The following TENM3 variants were observed in gnomAD, a reference collection of about 807,000 sequenced individuals.
The protein encoded by TENM3 is teneurin transmembrane protein 3.
TENM3 carries 63 observed loss-of-function variants against 255.1 expected under a neutral mutation model. The ratio of observed to expected loss-of-function variants is 0.25; its 90% CI spans 0.20 to 0.30. The LOEUF is 0.30. Ranked by LOEUF, TENM3 falls within the 10% of genes least tolerant of loss-of-function variation. The pLI, the probability that TENM3 is intolerant of heterozygous loss-of-function variation, is 1.00. For synonymous variants in TENM3, 1,306 were observed against 1,322.3 expected, an observed-to-expected ratio of 0.99 and a Z score of 0.27; for missense variants, 2,929 against 3,461.1, an observed-to-expected ratio of 0.85 and a Z score of 3.86.
At chr4:182,223,055 T>G (rs1755938235) in intron 1 of TENM3, among the ~76,000 whole-genome samples, 1 of 151,974 alleles carries the variant, frequency 6.6e-6, no homozygotes, top group Admixed American at 6.6e-5. Flanking sequence ...CTGAGCACTC[T>G]CTCCATGCAT....
chr4:181,504,977 AG>A, the TENM3 span, among the ~76,000 whole-genome samples: 1 of 152,222 alleles, frequency 6.6e-6, no homozygotes, highest in Non-Finnish European at 1.5e-5. Context: ...CTGGCCCAAG[AG>A]AACACACTGA....
At chr4:182,719,238 GTTC>G (rs993258408) in intron 13 of TENM3, among the ~76,000 whole-genome samples, 9 of 125,002 alleles carry the variant, frequency 7.2e-5, no homozygotes, top group Non-Finnish European at 1.5e-4. Context: ...GTAAAATAGA[GTTC>G]TTTTTTTTTT....
At chr4:181,490,386 A>T in the TENM3 span, among the ~76,000 whole-genome samples, 1 of 152,136 alleles carries the variant, frequency 6.6e-6, no homozygotes, top group Non-Finnish European at 1.5e-5. Flanking sequence ...GCCCACGGGG[A>T]TGTGCTGAGG....
intron 3 of TENM3, among the ~76,000 whole-genome samples, chr4:182,369,007 C>T (rs764542934): frequency 2.1e-4 from 32 of 152,214 alleles, no homozygotes; most frequent in Non-Finnish European, 4.0e-4. Context: ...ACTTTGTGTT[C>T]GCTCCAAAAT....
At chr4:182,598,662 C>A (rs771710479) in intron 3 of TENM3, among the ~76,000 whole-genome samples, 1 of 152,082 alleles carries the variant, frequency 6.6e-6, no homozygotes, top group Non-Finnish European at 1.5e-5. Context: ...AGCTTTCATC[C>A]GTGACTGACG....
At chr4:182,305,126 C>G (rs1580094955) in intron 1 of TENM3, among the ~76,000 whole-genome samples, 1 of 151,934 alleles carries the variant, frequency 6.6e-6, no homozygotes, top group Non-Finnish European at 1.5e-5. Flanking sequence ...AGGTCCACTA[C>G]AGCAATTCTG....
the TENM3 span, among the ~76,000 whole-genome samples, chr4:181,699,093 C>A: frequency 3.3e-5 from 5 of 151,926 alleles, no homozygotes; most frequent in Non-Finnish European, 7.4e-5. Context: ...AGTACCTGAC[C>A]CATTTCTCCA....
the TENM3 span, among the ~76,000 whole-genome samples, chr4:181,641,062 T>G: frequency 6.6e-6 from 1 of 152,228 alleles, no homozygotes. Context: ...GACTGTTTTA[T>G]CAAAATATTG....
chr4:182,353,025 G>T (rs1765282842), intron 3 of TENM3, among the ~76,000 whole-genome samples: 1 of 152,130 alleles, frequency 6.6e-6, no homozygotes, highest in Admixed American at 6.5e-5. Flanking sequence ...GAGAGAAACT[G>T]CTAGCCAGCT....
chr4:182,594,912 T>C (rs1203031454), intron 3 of TENM3, among the ~76,000 whole-genome samples: 1 of 151,996 alleles, frequency 6.6e-6, no homozygotes, highest in African/African-American at 2.4e-5. Flanking sequence ...GAGGTGGGGT[T>C]TCACCATGTT....
chr4:181,644,182 T>C, the TENM3 span, among the ~76,000 whole-genome samples: 5 of 151,914 alleles, frequency 3.3e-5, no homozygotes, highest in Admixed American at 2.6e-4. Context: ...ATAGTGCCTA[T>C]AAAAGAGACA....
At chr4:182,362,157 G>GGGGGACA (rs1424069231) in intron 3 of TENM3, among the ~76,000 whole-genome samples, 3 of 152,284 alleles carry the variant, frequency 2.0e-5, no homozygotes, top group Admixed American at 2.0e-4. Context: ...TAGGCTGCTC[G>GGGGGACA]GGGGTCAGGG....
intron 4 of TENM3, among the ~76,000 whole-genome samples, chr4:182,616,521 A>AT (rs200408547): frequency 0.17 from 12,521 of 75,278 alleles, 1,292 homozygotes; most frequent in East Asian, 0.51. Flanking sequence ...TTAAAGTATA[A>AT]TAAAAAAAAA....
intron 1 of TENM3, among the ~76,000 whole-genome samples, chr4:182,233,314 C>T (rs1374274547): frequency 6.6e-6 from 1 of 152,256 alleles, no homozygotes; most frequent in South Asian, 2.1e-4. Context: ...TGGCACTGTT[C>T]TGCATGGTGG....
chr4:182,054,676 A>G, the TENM3 span, among the ~76,000 whole-genome samples: 5 of 152,306 alleles, frequency 3.3e-5, no homozygotes, highest in Admixed American at 6.5e-5. Context: ...AACATGAAGG[A>G]TAAGTGCTTG....
At chr4:181,608,192 G>A in the TENM3 span, among the ~76,000 whole-genome samples, 2 of 152,204 alleles carry the variant, frequency 1.3e-5, no homozygotes. Flanking sequence ...AAGAGGGAGA[G>A]AGCAAGAGAG....
At chr4:182,752,088 AG>A in intron 20 of TENM3, 56 bp downstream of exon 20, 3 of 1,078,932 alleles carry the variant, frequency 2.8e-6, no homozygotes, top group Non-Finnish European at 3.9e-6. Flanking sequence ...AAAAAAAAAA[AG>A]GGGTTGAAAA....
chr4:181,851,458 G>C, the TENM3 span, among the ~76,000 whole-genome samples: 1 of 152,130 alleles, frequency 6.6e-6, no homozygotes, highest in Admixed American at 6.5e-5. Context: ...CATTAGACAG[G>C]GTTGTGTCAT....
At chr4:181,580,516 AAAT>A in the TENM3 span, among the ~76,000 whole-genome samples, 1 of 152,180 alleles carries the variant, frequency 6.6e-6, no homozygotes, top group South Asian at 2.1e-4. Context: ...GATGTTTTGA[AAAT>A]AAGATAACCC....
Sources: gnomAD v4.1 joint callset for allele counts (sites outside exome capture counted in the v4.1 genomes callset) on GRCh38, gnomAD v4.1.1 for gene constraint, MANE v1.5 for transcripts, NCBI Gene and HGNC (gene_info 2026-07-23, HGNC 2026-07-21) for gene names.